Variants in FGF14 observed in about 807,000 individuals in gnomAD.
FGF14 encodes the protein fibroblast growth factor 14.
A neutral mutation model predicts 25.5 loss-of-function variants in FGF14; 5 were observed. The observed-to-expected ratio is 0.20, with a 90% CI of 0.10 to 0.41. FGF14 has a LOEUF of 0.41. Among genes scored for constraint, FGF14 ranks in the 10% least tolerant of loss-of-function variants. The probability of loss-of-function intolerance (pLI) is 1.00; values close to 1 mark genes in which losing one functional copy is unlikely to be tolerated. For missense variants in FGF14, 222 were observed against 320.1 expected (o/e 0.69, Z 2.34); for synonymous variants, 138 against 118.3 (o/e 1.17, Z -1.08).
intron 1 of FGF14, among the ~76,000 whole-genome samples, chr13:102,104,384 C>T (rs1196862041): frequency 6.6e-6 from 1 of 152,168 alleles, no homozygotes; most frequent in African/African-American, 2.4e-5. Context: ...AGGTAGAAAA[C>T]CACAGTATAA....
intron 1 of FGF14, among the ~76,000 whole-genome samples, chr13:102,200,611 A>G (rs1005063714): frequency 3.9e-5 from 4 of 103,334 alleles, no homozygotes; most frequent in Non-Finnish European, 7.5e-5. Context: ...TCTCATTCCC[A>G]TTTGATTGTT....
At chr13:101,998,338 T>C (rs2039299909) in intron 1 of FGF14, among the ~76,000 whole-genome samples, 1 of 152,114 alleles carries the variant, frequency 6.6e-6, no homozygotes, top group South Asian at 2.1e-4. Flanking sequence ...TTGGGCCCTT[T>C]TTTGATGTAT....
intron 1 of FGF14, among the ~76,000 whole-genome samples, chr13:102,188,671 G>A (rs1402650319): frequency 6.6e-6 from 1 of 152,126 alleles, no homozygotes; most frequent in African/African-American, 2.4e-5. Context: ...AGGTGCAGTG[G>A]CTACACTCCT....
chr13:102,342,323 G>A (rs1291503487), intron 1 of FGF14, among the ~76,000 whole-genome samples: 1 of 151,982 alleles, frequency 6.6e-6, no homozygotes, highest in Non-Finnish European at 1.5e-5. Flanking sequence ...ATACAAAAGG[G>A]GAGGAAGGCA....
At chr13:101,974,968 C>T (rs563190568) in intron 1 of FGF14, among the ~76,000 whole-genome samples, 53 of 152,092 alleles carry the variant, frequency 3.5e-4, no homozygotes, top group African/African-American at 1.1e-3. Flanking sequence ...CTGAGAAATA[C>T]GCCTAAAGAT....
At chr13:102,086,650 T>G (rs1017472297) in intron 1 of FGF14, among the ~76,000 whole-genome samples, 1 of 152,194 alleles carries the variant, frequency 6.6e-6, no homozygotes, top group Non-Finnish European at 1.5e-5. Flanking sequence ...GTTTTTAATC[T>G]CAGAATCTGA....
rs562064849 is a variant in FGF14 at position 102,072,107 on chromosome 13, G to A, written c.209-196811C>T. Among the ~76,000 whole-genome samples the A allele has an allele frequency of 5.3e-5, 8 of 152,210 alleles. No homozygotes were observed. The South Asian group carries it at 8.3e-4, about 16-fold the overall frequency. The stretch of plus-strand genomic sequence containing the variant: ...CTTACATAAGGATGCAAGTAAATAC[G>A]GTATTTGTGAAAGAAGAACAGAAAA... On this transcript the variant is annotated intron_variant, in intron 1 of 4. Transcript: ENST00000376131.
At chr13:101,872,217 ATAAC>A (rs1429255460) in intron 2 of FGF14, among the ~76,000 whole-genome samples, 8 of 151,582 alleles carry the variant, frequency 5.3e-5, no homozygotes, top group Non-Finnish European at 8.8e-5. Flanking sequence ...CTAGTTATGG[ATAAC>A]TAACCCATGG....
chr13:102,077,302 A>G (rs752001313), intron 1 of FGF14, among the ~76,000 whole-genome samples: 4 of 152,222 alleles, frequency 2.6e-5, no homozygotes, highest in Non-Finnish European at 4.4e-5. Context: ...AAATGGGATT[A>G]TATCAAACTA....
At chr13:102,284,905 T>C (rs2054018880) in intron 1 of FGF14, among the ~76,000 whole-genome samples, 1 of 152,004 alleles carries the variant, frequency 6.6e-6, no homozygotes, top group Non-Finnish European at 1.5e-5. Flanking sequence ...ATTCTTCCTT[T>C]TCTATTTCTC....
At chr13:102,229,579 G>GGCT (rs1376305655) in intron 1 of FGF14, among the ~76,000 whole-genome samples, 1 of 152,060 alleles carries the variant, frequency 6.6e-6, no homozygotes, top group African/African-American at 2.4e-5. Flanking sequence ...CCTCAACATG[G>GGCT]GCTGCTCTCT....
At chr13:101,949,099 C>T (rs535634147) in intron 1 of FGF14, among the ~76,000 whole-genome samples, 1 of 152,204 alleles carries the variant, frequency 6.6e-6, no homozygotes, top group East Asian at 1.9e-4. Context: ...TGGCACAAAC[C>T]GCTTTCACCA....
chr13:101,924,290 T>C (rs551910612), intron 1 of FGF14, among the ~76,000 whole-genome samples: 2 of 152,176 alleles, frequency 1.3e-5, no homozygotes, highest in East Asian at 1.9e-4. Context: ...TCATAGGAAA[T>C]AAGTGAGCTG....
chr13:101,907,908 A>G (rs2032444020), intron 1 of FGF14, among the ~76,000 whole-genome samples: 1 of 152,188 alleles, frequency 6.6e-6, no homozygotes, highest in South Asian at 2.1e-4. Flanking sequence ...TTACAGCACT[A>G]GGAGTTTATC....
At chr13:101,747,909 C>T (rs1264196112) in intron 3 of FGF14, among the ~76,000 whole-genome samples, 1 of 151,960 alleles carries the variant, frequency 6.6e-6, no homozygotes, top group Non-Finnish European at 1.5e-5. Context: ...ATTAAAACCA[C>T]AATGAGATAT....
chr13:102,188,068 T>A, intron 1 of FGF14, among the ~76,000 whole-genome samples: 1 of 152,260 alleles, frequency 6.6e-6, no homozygotes, highest in East Asian at 1.9e-4. Flanking sequence ...GAACAATTTT[T>A]ATTTTTCTCT....
intron 1 of FGF14, among the ~76,000 whole-genome samples, chr13:102,093,201 A>T (rs2044244979): frequency 8.3e-6 from 1 of 120,332 alleles, no homozygotes; most frequent in African/African-American, 2.5e-5. Flanking sequence ...TATTAAAAAA[A>T]ATTCTTAGGT....
chr13:101,875,348 C>G, intron 1 of FGF14, 52 bp from the exon 2 acceptor site: 1 of 1,226,564 alleles, frequency 8.2e-7, no homozygotes, highest in Non-Finnish European at 1.2e-6. Context: ...ACCATAGTTT[C>G]CTTTATCTTT....
intron 3 of FGF14, among the ~76,000 whole-genome samples, chr13:101,796,790 A>G (rs946062774): frequency 1.3e-5 from 2 of 152,018 alleles, no homozygotes; most frequent in African/African-American, 4.8e-5. Context: ...AAAAAAATAC[A>G]TTTCTGTGCT....
Sources: allele counts gnomAD v4.1 joint callset (sites outside exome capture counted in the v4.1 genomes callset), GRCh38; gene constraint gnomAD v4.1.1; transcripts MANE v1.5; gene names NCBI Gene and HGNC (gene_info 2026-07-23, HGNC 2026-07-21).